Variants in TSPAN16 observed in about 807,000 individuals in gnomAD.
TSPAN16 encodes the protein tetraspanin 16, also known as tetraspanin-16.
In TSPAN16, 23 loss-of-function variants were observed where a neutral mutation model predicts 25.2. The ratio of observed to expected loss-of-function variants is 0.91; its 90% confidence interval spans 0.66 to 1.29. The LOEUF is 1.29. TSPAN16 is among the 50% of genes most tolerant of loss of function. The pLI is 0.00. For missense variants in TSPAN16, 272 were observed against 299.9 expected (o/e 0.91, Z 0.69); for synonymous variants, 123 against 124.4 (o/e 0.99, Z 0.08).
chr19:11,306,645 C>T lies in TSPAN16; in HGVS notation c.492C>T (p.Gly164=). Residue 164 remains glycine (G), a synonymous_variant, in exon 5 of 7, where the codon GGC becomes GGT. Coordinates refer to ENST00000590327, the MANE Select transcript of TSPAN16 (RefSeq NM_001282509.2). ...TGAATAACTACACAGATTTTTCTGG[C>T]TCTTCCTTCGAAATGACAACGGGCC... ...CGVNNYTDFS[G]SSFEMTTGHT... is the part of the protein sequence containing the mutation. 6.2e-7 allele frequency: 1 copy of T among 1,613,820 alleles called. No homozygotes were observed. Among genetic ancestry groups the T allele is most frequent in the South Asian group, 1.1e-5 (1 of 91,044 alleles).
chr19:11,310,192 G>A (rs1216155651), intron 5 of TSPAN16, among the ~76,000 whole-genome samples: 1 of 151,896 alleles, frequency 6.6e-6, no homozygotes, highest in Admixed American at 6.6e-5. Flanking sequence ...GGTGAGATGT[G>A]CCAGGGGCCT....
At chr19:11,314,761 A>G (rs775806052) in intron 6 of TSPAN16, among the ~76,000 whole-genome samples, 23 of 151,928 alleles carry the variant, frequency 1.5e-4, no homozygotes, top group Middle Eastern at 3.2e-3. Flanking sequence ...GGGCATGAAG[A>G]GGGTAGGAGC....
At chr19:11,296,398 G>A (rs777476783) in intron 1 of TSPAN16, 32 bp downstream of exon 1, 3 of 1,607,534 alleles carry the variant, frequency 1.9e-6, no homozygotes, top group East Asian at 2.2e-5. Context: ...CCCCTGGTTT[G>A]TTGCAGCCCT....
In TSPAN16 at chr19:11,309,026, T is replaced by C. The variant is rs1480658472; in HGVS notation, c.603+2270T>C. On this transcript the variant is annotated intron_variant, in intron 5 of 6. Transcript: ENST00000590327. ...TAGTTCAAGACCAGCCTTGGCAACA[T>C]AGCAAGATGCCGTTTTTACAAAAAA... 3.9e-5 allele frequency among the ~76,000 whole-genome samples: 6 copies of C among 152,014 alleles called. No individual in the cohort carries two copies. The East Asian group carries it at 5.8e-4, about 15-fold the overall frequency.
downstream of TSPAN16, among the ~76,000 whole-genome samples, chr19:11,316,870 T>C (rs1265070322): frequency 1.4e-5 from 2 of 145,916 alleles, no homozygotes; most frequent in Non-Finnish European, 3.0e-5. Flanking sequence ...AGTGCAGTGG[T>C]GTGATCTCGG....
chr19:11,320,824 A>G (rs1599352083), downstream of TSPAN16, among the ~76,000 whole-genome samples: 1 of 152,168 alleles, frequency 6.6e-6, no homozygotes, highest in Non-Finnish European at 1.5e-5. Flanking sequence ...TTGTTGTATT[A>G]GTCTGTTTTC....
chr19:11,304,218 G>A (rs752228334), intron 4 of TSPAN16, among the ~76,000 whole-genome samples: 4 of 151,584 alleles, frequency 2.6e-5, no homozygotes, highest in Non-Finnish European at 5.9e-5. Context: ...TTGAGGCCAG[G>A]CAGGGAGGGT....
intron 5 of TSPAN16, among the ~76,000 whole-genome samples, chr19:11,310,446 C>T (rs1254697150): frequency 2.0e-5 from 3 of 149,494 alleles, no homozygotes; most frequent in Admixed American, 6.8e-5. Context: ...ACCCGGGAGG[C>T]GGAGGTTGCG....
At chr19:11,317,474 C>T (rs1216421436), downstream of TSPAN16, among the ~76,000 whole-genome samples, 8 of 152,080 alleles carry the variant, frequency 5.3e-5, no homozygotes, top group Admixed American at 5.2e-4. Context: ...CGCCACCACA[C>T]CCAGCTAATT....
intron 1 of TSPAN16, 31 bp from the exon 2 acceptor site, chr19:11,298,111 C>T (rs753238429): frequency 1.6e-5 from 25 of 1,610,942 alleles, no homozygotes; most frequent in Non-Finnish European, 2.0e-5. Flanking sequence ...TAACAGATTA[C>T]TTTTCTTCCT....
intron 6 of TSPAN16, chr19:11,321,206 G>A (rs1162930308): frequency 1.3e-5 from 2 of 151,386 alleles, no homozygotes; most frequent in African/African-American, 4.9e-5. Flanking sequence ...AAAAACATAA[G>A]AGGTTTAATT....
chr19:11,306,570 G>T, intron 4 of TSPAN16, 34 bp from the exon 5 acceptor site: 1 of 1,611,360 alleles, frequency 6.2e-7, no homozygotes, highest in Non-Finnish European at 8.5e-7. Context: ...TTATTTGAAA[G>T]GGACTCTCCA....
At chr19:11,315,560 A>G (rs994530358) in intron 6 of TSPAN16, among the ~76,000 whole-genome samples, 5 of 150,504 alleles carry the variant, frequency 3.3e-5, no homozygotes, top group African/African-American at 1.2e-4. Context: ...CATCTCAAAA[A>G]TAAATAAATA....
rs547897214 is a variant in TSPAN16 at position 11,309,462 on chromosome 19, C to T, written c.604-2677C>T. ...GCCTCCTCGCTACTGCTCAGAAACA[C>T]CAGGCACATGCCTGCCTCACCGCCT... On this transcript the variant is annotated intron_variant, in intron 5 of 6. Transcript: ENST00000590327. Among the ~76,000 whole-genome samples the T allele has an allele frequency of 3.9e-5, 6 of 152,338 alleles. No homozygotes were observed. In the East Asian group the frequency reaches 7.7e-4, roughly 20 times the overall value.
At chr19:11,316,810 C>CT (rs2080751883), downstream of TSPAN16, among the ~76,000 whole-genome samples, 1 of 116,428 alleles carries the variant, frequency 8.6e-6, no homozygotes, top group Admixed American at 8.4e-5. Flanking sequence ...ACCCCCCCCG[C>CT]CTTTTTTTTT....
intron 5 of TSPAN16, among the ~76,000 whole-genome samples, chr19:11,310,277 G>A (rs1254386059): frequency 1.3e-5 from 2 of 152,056 alleles, no homozygotes; most frequent in Non-Finnish European, 2.9e-5. Context: ...TGTAGTCCCA[G>A]CACTTTGGGA....
At chr19:11,319,488 A>G (rs996325851), downstream of TSPAN16, among the ~76,000 whole-genome samples, 2 of 151,780 alleles carry the variant, frequency 1.3e-5, no homozygotes, top group African/African-American at 2.4e-5. Flanking sequence ...AATCCCAGCT[A>G]CTCCGGAGGC....
intron 6 of TSPAN16, among the ~76,000 whole-genome samples, chr19:11,326,396 C>T (rs1004865448): frequency 1.3e-4 from 20 of 152,124 alleles, no homozygotes; most frequent in Non-Finnish European, 2.1e-4. Flanking sequence ...CAAAACAAAA[C>T]GAAACCCTGC....
chr19:11,325,400 A>G, intron 6 of TSPAN16: 2 of 1,280,732 alleles, frequency 1.6e-6, no homozygotes, highest in Non-Finnish European at 2.0e-6. Context: ...GGCCATCTCT[A>G]GCAGCTGCAG....
Sources: gnomAD v4.1 joint callset for allele counts (sites outside exome capture counted in the v4.1 genomes callset) on GRCh38, gnomAD v4.1.1 for gene constraint, MANE v1.5 for transcripts, NCBI Gene and HGNC (gene_info 2026-07-23, HGNC 2026-07-21) for gene names.